The following KPNA3 variants were observed in gnomAD, a reference collection of about 807,000 sequenced individuals.
KPNA3 encodes the protein importin subunit alpha-4.
KPNA3 carries 13 observed loss-of-function variants against 73.8 expected under a neutral mutation model. The observed-to-expected ratio is 0.18, with a 90% confidence interval of 0.11 to 0.28. The LOEUF is 0.28. Ranked by LOEUF, KPNA3 falls within the 10% of genes least tolerant of loss-of-function variation. KPNA3 has a pLI of 1.00. For missense variants in KPNA3, 360 were observed against 618.1 expected (o/e 0.58, Z 4.43); for synonymous variants, 186 against 206.9 (o/e 0.90, Z 0.87).
In KPNA3 at chr13:49,703,171, TTTTC is replaced by T. The variant is rs1489805152; in HGVS notation, c.1373-695_1373-692del. ...GCGTGAGCCACTGCGCCTGGGCATTTTTTCTTTCTTTCTTTTTTTTTTTTTTTTT... is the reference window on the plus strand; with the variant it reads ...GCGTGAGCCACTGCGCCTGGGCATTTTTTCTTTCTTTTTTTTTTTTTTTTT... On this transcript the variant is annotated intron_variant, in intron 15 of 16. Transcript: ENST00000261667. Among the ~76,000 whole-genome samples, 121 of 123,592 alleles carry T rather than the reference TTTTC, an allele frequency of 9.8e-4. 1 individual carries two copies. The highest frequency in any genetic ancestry group is 3.2e-3 in the African/African-American group (107 of 32,932). The allele number at this position is 123,592 out of a possible 152,430, so 81.1% of individuals were successfully genotyped here. A position where few individuals can be genotyped will look rare whatever the true frequency, so the allele number is the denominator to read the frequency against.
chr13:49,749,885 C>T (rs1261252005), intron 1 of KPNA3, among the ~76,000 whole-genome samples: 1 of 152,148 alleles, frequency 6.6e-6, no homozygotes, highest in Non-Finnish European at 1.5e-5. Flanking sequence ...ACCTAAGTAC[C>T]TCTGAGTTAG....
At chr13:49,780,429 T>TTCAATCTCAGTGCCAACACTA (rs1421852958) in intron 1 of KPNA3, among the ~76,000 whole-genome samples, 13 of 152,164 alleles carry the variant, frequency 8.5e-5, no homozygotes, top group Admixed American at 7.9e-4. Flanking sequence ...TTTTCTGCTT[T>TTCAATCTCAGTGCCAACACTA]TCAATCTCAG....
chr13:49,726,435 T>C (rs1200921496), intron 6 of KPNA3, among the ~76,000 whole-genome samples: 1 of 152,208 alleles, frequency 6.6e-6, no homozygotes, highest in Non-Finnish European at 1.5e-5. Context: ...GATCATGATG[T>C]GTAGGAACGA....
chr13:49,767,756 A>C (rs1954820835), intron 1 of KPNA3, among the ~76,000 whole-genome samples: 1 of 152,188 alleles, frequency 6.6e-6, no homozygotes, highest in African/African-American at 2.4e-5. Context: ...GGAAACGAGG[A>C]TATCACAATC....
chr13:49,719,719 AC>A, intron 10 of KPNA3, 55 bp downstream of exon 10: 3 of 1,174,890 alleles, frequency 2.6e-6, no homozygotes, highest in Non-Finnish European at 3.8e-6. Flanking sequence ...TTACATAAAA[AC>A]CCTTTCTGTC....
rs1157349557 is a variant in KPNA3, at chr13:49,701,020, A to G, written c.*780T>C. ...GCTCAGGTAAAATACCATGCACAGC[A>G]TTTGATTACTTCAAAACAGCAGGAA... is the stretch of plus-strand genomic sequence containing the variant. On this transcript the variant is annotated 3_prime_UTR_variant, in exon 17 of 17. Transcript: ENST00000261667. The G allele has an allele frequency of 6.5e-6, 1 of 153,378 alleles. No individual in the cohort carries two copies. Among genetic ancestry groups the G allele is most frequent in the Admixed American group, 6.5e-5 (1 of 15,320 alleles). 9.5% of individuals were successfully genotyped at this position (153,378 alleles called of 1,614,324 possible). A position where few individuals can be genotyped will look rare whatever the true frequency, so the allele number is the denominator to read the frequency against.
chr13:49,786,037 A>G (rs762690420), intron 1 of KPNA3, among the ~76,000 whole-genome samples: 4 of 152,228 alleles, frequency 2.6e-5, no homozygotes, highest in Non-Finnish European at 5.9e-5. Flanking sequence ...ATGAACCAAT[A>G]TGAACTTTGC....
intron 1 of KPNA3, among the ~76,000 whole-genome samples, chr13:49,778,659 T>C (rs1355394537): frequency 6.6e-6 from 1 of 152,194 alleles, no homozygotes; most frequent in Admixed American, 6.5e-5. Flanking sequence ...GTTGTTGTTT[T>C]TTCTGAGACA....
chr13:49,727,811 GC>G (rs1346090536), intron 6 of KPNA3, among the ~76,000 whole-genome samples: 2 of 152,090 alleles, frequency 1.3e-5, no homozygotes, highest in African/African-American at 4.8e-5. Flanking sequence ...TAAAATTAAA[GC>G]AAAAACAAAC....
At chr13:49,721,817 T>A in intron 9 of KPNA3, 138 bp downstream of exon 9, 1 of 553,212 alleles carries the variant, frequency 1.8e-6, no homozygotes. Context: ...AAGACTCCGT[T>A]ATCAAACAAA....
Position 49,719,829 on chromosome 13 carries a change from GA to G in KPNA3, c.727-11del. ...ATAAAGCTGGCAAAATCTGAGGAAA[GA>G]AAATAAACAATACTTAACATTAGTT... On this transcript the variant is annotated splice_polypyrimidine_tract_variant and intron_variant, in intron 9 of 16. Coordinates refer to ENST00000261667, the MANE Select transcript of KPNA3 (RefSeq NM_002267.4). 1 of 1,535,174 alleles carries G rather than the reference GA, an allele frequency of 6.5e-7. No individual in the cohort carries two copies. The highest frequency in any genetic ancestry group is 9.0e-7 in the Non-Finnish European group (1 of 1,110,412).
At chr13:49,725,814 G>T (rs1487712353) in intron 6 of KPNA3, among the ~76,000 whole-genome samples, 1 of 152,002 alleles carries the variant, frequency 6.6e-6, no homozygotes, top group Non-Finnish European at 1.5e-5. Flanking sequence ...GCTCATTTTT[G>T]TACTTTTAGT....
chr13:49,732,331 A>T, intron 6 of KPNA3, 40 bp downstream of exon 6: 1 of 1,028,398 alleles, frequency 9.7e-7, no homozygotes, highest in Non-Finnish European at 1.5e-6. Flanking sequence ...CTTTTAAGTT[A>T]ACTGAAAAAA....
At chr13:49,753,460 T>C (rs1954683694) in intron 1 of KPNA3, among the ~76,000 whole-genome samples, 1 of 152,246 alleles carries the variant, frequency 6.6e-6, no homozygotes, top group South Asian at 2.1e-4. Flanking sequence ...GAGCACTTTC[T>C]GAAGAATCTA....
chr13:49,754,834 A>C (rs528561207), intron 1 of KPNA3, among the ~76,000 whole-genome samples: 20 of 152,160 alleles, frequency 1.3e-4, no homozygotes, highest in Non-Finnish European at 2.5e-4. Flanking sequence ...ACTCAATATG[A>C]AATACCTAAT....
At chr13:49,791,050 T>C (rs187871248) in intron 1 of KPNA3, among the ~76,000 whole-genome samples, 67 of 152,312 alleles carry the variant, frequency 4.4e-4, no homozygotes, top group Admixed American at 4.3e-3. Context: ...TATTTAACCA[T>C]GACCAGGAAA....
intron 6 of KPNA3, among the ~76,000 whole-genome samples, chr13:49,730,759 T>TCCCTCCC (rs1555304964): frequency 1.2e-5 from 1 of 86,774 alleles, no homozygotes; most frequent in Non-Finnish European, 2.1e-5. Flanking sequence ...CCTAATGCTA[T>TCCCTCCC]CCCTCCCCCC....
At chr13:49,715,656 G>A (rs1285599675) in intron 10 of KPNA3, among the ~76,000 whole-genome samples, 1 of 151,992 alleles carries the variant, frequency 6.6e-6, no homozygotes, top group Non-Finnish European at 1.5e-5. Flanking sequence ...CACAATAAAG[G>A]CAACCACTAG....
At chr13:49,708,891 T>C (rs1012151424) in intron 12 of KPNA3, among the ~76,000 whole-genome samples, 3 of 152,172 alleles carry the variant, frequency 2.0e-5, no homozygotes, top group African/African-American at 7.2e-5. Context: ...CACCTCGTCT[T>C]TGGGTCCAAA....
Sources: allele counts gnomAD v4.1 joint callset (sites outside exome capture counted in the v4.1 genomes callset), GRCh38; gene constraint gnomAD v4.1.1; transcripts MANE v1.5; gene names NCBI Gene and HGNC (gene_info 2026-07-23, HGNC 2026-07-21).